Variants in PTPRD observed in about 807,000 individuals in gnomAD.
PTPRD encodes the protein receptor-type tyrosine-protein phosphatase delta.
In PTPRD, 34 loss-of-function variants were observed where a neutral mutation model predicts 214.5. The observed-to-expected ratio is 0.16, with a 90% CI of 0.12 to 0.21. PTPRD has a LOEUF of 0.21. Among genes scored for constraint, PTPRD ranks in the 10% least tolerant of loss-of-function variants. PTPRD has a pLI of 1.00. For synonymous variants in PTPRD, 1,128 were observed against 845.7 expected (o/e 1.33, Z -5.79); for missense variants, 2,545 against 2,398.7 (o/e 1.06, Z -1.27).
At chr9:10,595,888 C>A (rs2076524690) in intron 2 of PTPRD, among the ~76,000 whole-genome samples, 1 of 151,666 alleles carries the variant, frequency 6.6e-6, no homozygotes, top group African/African-American at 2.4e-5. Flanking sequence ...ATAAGATTGT[C>A]AAGTGTATAT....
chr9:8,477,129 A>AT (rs1020539961), intron 30 of PTPRD, among the ~76,000 whole-genome samples: 2 of 152,162 alleles, frequency 1.3e-5, no homozygotes, highest in African/African-American at 2.4e-5. Flanking sequence ...ATGAAAAAAA[A>AT]AAAAATAAAT....
At chr9:10,560,970 T>C (rs1269068865) in intron 2 of PTPRD, among the ~76,000 whole-genome samples, 1 of 152,078 alleles carries the variant, frequency 6.6e-6, no homozygotes, top group African/African-American at 2.4e-5. Flanking sequence ...TGTGGGTGAA[T>C]TGGGTGGGGA....
intron 2 of PTPRD, among the ~76,000 whole-genome samples, chr9:10,352,375 A>ATGTTT (rs2097198065): frequency 6.6e-6 from 1 of 151,984 alleles, no homozygotes; most frequent in Non-Finnish European, 1.5e-5. Context: ...ACTCGATTGA[A>ATGTTT]TGTTTTGACC....
At chr9:8,642,422 G>C (rs1345555595) in intron 12 of PTPRD, among the ~76,000 whole-genome samples, 2 of 152,200 alleles carry the variant, frequency 1.3e-5, no homozygotes, top group African/African-American at 4.8e-5. Context: ...AAAGGGGAAG[G>C]TGAATATTGC....
chr9:8,601,747 ATTC>A (rs1486416852), intron 14 of PTPRD, among the ~76,000 whole-genome samples: 1 of 152,224 alleles, frequency 6.6e-6, no homozygotes, highest in Non-Finnish European at 1.5e-5. Flanking sequence ...CACAGAGTAA[ATTC>A]TTAAACGAAT....
chr9:10,388,817 T>A (rs759015990), intron 2 of PTPRD, among the ~76,000 whole-genome samples: 50 of 151,796 alleles, frequency 3.3e-4, no homozygotes, highest in Non-Finnish European at 5.7e-4. Context: ...GGAATAGAGG[T>A]AGAAATGCAT....
Position 8,376,046 on chromosome 9 carries a change from G to A in PTPRD, c.4551C>T (p.Thr1517=), listed in dbSNP as rs374700459. The change falls in exon 39 of 46, where the codon ACC becomes ACT. Residue 1517 remains threonine, a synonymous_variant. Coordinates refer to ENST00000381196, the MANE Select transcript of PTPRD (RefSeq NM_002839.4). ...EKREVRQFQF[T]AWPDHGVPEH... is the part of the protein sequence containing the mutation. The stretch of plus-strand genomic sequence containing the variant: ...CTGGAACACCATGATCAGGCCAGGC[G>A]GTGAACTGGAATTGTCTCACTTCTC... 5.5e-5 allele frequency: 88 copies of A among 1,612,714 alleles called. No individual in the cohort carries two copies. The highest frequency in any genetic ancestry group is 3.1e-4 in the African/African-American group (23 of 74,790).
chr9:10,083,660 G>C (rs1276293231), intron 3 of PTPRD, among the ~76,000 whole-genome samples: 1 of 151,990 alleles, frequency 6.6e-6, no homozygotes, highest in Non-Finnish European at 1.5e-5. Flanking sequence ...ATCTAGAGCA[G>C]TGGTTACCAA....
intron 9 of PTPRD, among the ~76,000 whole-genome samples, chr9:9,318,665 A>G (rs577790820): frequency 6.6e-6 from 1 of 152,312 alleles, no homozygotes; most frequent in South Asian, 2.1e-4. Flanking sequence ...AGGATTTGAT[A>G]AAAGTATCTC....
chr9:8,727,328 G>A (rs1225691187), intron 12 of PTPRD, among the ~76,000 whole-genome samples: 1 of 152,194 alleles, frequency 6.6e-6, no homozygotes. Flanking sequence ...TCTGCTGGGA[G>A]CAATTAATTC....
intron 8 of PTPRD, among the ~76,000 whole-genome samples, chr9:9,411,994 C>A (rs1190903968): frequency 6.6e-6 from 1 of 152,180 alleles, no homozygotes; most frequent in Non-Finnish European, 1.5e-5. Flanking sequence ...GCCAGGGCCA[C>A]ATAGTGAATC....
intron 10 of PTPRD, among the ~76,000 whole-genome samples, chr9:9,094,034 T>A (rs1398293495): frequency 6.6e-6 from 1 of 152,130 alleles, no homozygotes; most frequent in African/African-American, 2.4e-5. Flanking sequence ...CTCAACTTTA[T>A]TAACATACAT....
chr9:8,332,075 A>T (rs952039575), intron 43 of PTPRD, among the ~76,000 whole-genome samples: 4 of 152,166 alleles, frequency 2.6e-5, no homozygotes, highest in Non-Finnish European at 5.9e-5. Flanking sequence ...GTAACCATTC[A>T]TCATGTCTGC....
rs2095587790 is a variant in PTPRD, at chr9:9,982,754, A to C, written c.-471-44144T>G. Among the ~76,000 whole-genome samples, 4 of 152,146 alleles carry C rather than the reference A, an allele frequency of 2.6e-5. No homozygotes were observed. The South Asian group carries it at 8.3e-4, about 32-fold the overall frequency. On this transcript the variant is annotated intron_variant, in intron 4 of 45. Coordinates refer to ENST00000381196, the MANE Select transcript of PTPRD (RefSeq NM_002839.4). ...AGAGCAAAAGGTCCTAAAAATTAAA[A>C]AAATAAAATAAAATAAAAGCTTAAT...
intron 2 of PTPRD, among the ~76,000 whole-genome samples, chr9:10,482,415 ATAT>A (rs1476013810): frequency 1.3e-5 from 2 of 151,864 alleles, no homozygotes; most frequent in African/African-American, 4.8e-5. Flanking sequence ...TCAATCAATA[ATAT>A]TATAACAATA....
At chr9:9,347,622 C>A (rs1227495182) in intron 9 of PTPRD, among the ~76,000 whole-genome samples, 1 of 152,060 alleles carries the variant, frequency 6.6e-6, no homozygotes, top group African/African-American at 2.4e-5. Context: ...TGCAGTTACA[C>A]TATATTGCTA....
chr9:10,535,878 A>T (rs2057662890), intron 2 of PTPRD, among the ~76,000 whole-genome samples: 1 of 152,104 alleles, frequency 6.6e-6, no homozygotes, highest in South Asian at 2.1e-4. Flanking sequence ...TATGGCCTCT[A>T]TTGTCACAAA....
intron 7 of PTPRD, among the ~76,000 whole-genome samples, chr9:9,700,741 T>G (rs1490860324): frequency 6.6e-6 from 1 of 151,766 alleles, no homozygotes; most frequent in Non-Finnish European, 1.5e-5. Flanking sequence ...AAAATGGTCT[T>G]GTTTTCTGAC....
chr9:10,134,208 A>G lies in PTPRD; in HGVS notation c.-544-100418T>C, dbSNP rs534422470. ...CTGACTCTGCCAAGCAAAGAGGACC[A>G]GTGGGTCTCCAGAGAGCTGCAGGTC... On this transcript the variant is annotated intron_variant, in intron 3 of 45. Coordinates refer to ENST00000381196, the MANE Select transcript of PTPRD (RefSeq NM_002839.4). 1.6e-3 allele frequency among the ~76,000 whole-genome samples: 239 copies of G among 152,272 alleles called. 1 individual carries two copies. Among genetic ancestry groups the G allele is most frequent in the Non-Finnish European group, 2.9e-3 (196 of 68,028 alleles).
Sources: gnomAD v4.1 joint callset for allele counts (sites outside exome capture counted in the v4.1 genomes callset) on GRCh38, gnomAD v4.1.1 for gene constraint, MANE v1.5 for transcripts, NCBI Gene and HGNC (gene_info 2026-07-23, HGNC 2026-07-21) for gene names.